Variants in MAX observed in about 807,000 individuals in gnomAD.
MAX encodes the protein MYC associated transcriptional regulator X.
Under a neutral mutation model 22.3 loss-of-function variants are expected in MAX, and 3 were observed. That is an observed-to-expected ratio of 0.13 (90% CI 0.06 to 0.35). The LOEUF (loss-of-function observed/expected upper bound fraction) is 0.35. Among genes scored for constraint, MAX ranks in the 10% least tolerant of loss-of-function variants. The pLI, the probability that MAX is intolerant of heterozygous loss-of-function variation, is 1.00. For missense variants in MAX, 119 were observed against 209.4 expected (o/e 0.57, Z 2.66); for synonymous variants, 72 against 77.7 (o/e 0.93, Z 0.39).
intron 3 of MAX, among the ~76,000 whole-genome samples, chr14:65,059,716 T>C (rs2062817415): frequency 6.6e-6 from 1 of 152,096 alleles, no homozygotes; most frequent in Non-Finnish European, 1.5e-5. Context: ...AAGTTTCTTT[T>C]GGGTTTCTGT....
At chr14:65,037,367 T>C (rs2062215971) in intron 3 of MAX, among the ~76,000 whole-genome samples, 1 of 130,048 alleles carries the variant, frequency 7.7e-6, no homozygotes, top group South Asian at 2.7e-4. Context: ...CCTCCCAAAG[T>C]GCTGAGATTA....
At chr14:65,061,254 C>G in intron 3 of MAX, 1 of 1,614,194 alleles carries the variant, frequency 6.2e-7, no homozygotes, top group Non-Finnish European at 8.5e-7. Flanking sequence ...CTACAGAAGC[C>G]AGTCCCAGGT....
intron 3 of MAX, among the ~76,000 whole-genome samples, chr14:65,060,696 T>A (rs1279430606): frequency 2.2e-4 from 6 of 27,594 alleles, no homozygotes; most frequent in South Asian, 1.3e-3. Flanking sequence ...AGACTCCGTC[T>A]CAAAAAAAAA....
At position 65,027,033 on chromosome 14, in the gene MAX, A is replaced by G. The variant is rs1009147820; in HGVS notation, c.172-20749T>C. On this transcript the variant is annotated intron_variant, in intron 3 of 3. Transcript: ENST00000341653. The surrounding 1 kb of genome is among the most constrained non-coding windows in gnomAD (Gnocchi z 5.7). ...TTAGTGTGGAAAGAAGCAGTTGAGC[A>G]CCATGTTTTGGCAAAATTCAAAGGC... 1.3e-5 allele frequency among the ~76,000 whole-genome samples: 2 copies of G among 152,106 alleles called. No individual in the cohort carries two copies. The highest frequency in any genetic ancestry group is 4.8e-5 in the African/African-American group (2 of 41,402).
At chr14:65,037,796 A>AT (rs2062246675) in intron 3 of MAX, among the ~76,000 whole-genome samples, 2 of 135,052 alleles carry the variant, frequency 1.5e-5, no homozygotes, top group Non-Finnish European at 3.1e-5. Context: ...TTATTTATTT[A>AT]TTGAGATGGT....
intron 3 of MAX, among the ~76,000 whole-genome samples, chr14:65,026,779 T>C (rs1342036929): frequency 6.6e-6 from 1 of 151,932 alleles, no homozygotes; most frequent in Admixed American, 6.6e-5. Context: ...AAAGAATCTC[T>C]TGAACCTGGG....
chr14:65,017,396 C>T (rs1025051002), intron 3 of MAX, among the ~76,000 whole-genome samples: 7 of 152,176 alleles, frequency 4.6e-5, no homozygotes, highest in East Asian at 3.9e-4. Flanking sequence ...TGGATCTGAA[C>T]GCTGGATGGA....
chr14:65,020,227 G>C (rs2061859485), intron 3 of MAX, among the ~76,000 whole-genome samples: 1 of 152,228 alleles, frequency 6.6e-6, no homozygotes, highest in African/African-American at 2.4e-5. Flanking sequence ...AGGCGAGGTT[G>C]TTACTGCTGG....
chr14:65,025,620 G>GC (rs957430331), intron 3 of MAX, among the ~76,000 whole-genome samples: 9 of 152,264 alleles, frequency 5.9e-5, no homozygotes, highest in African/African-American at 2.2e-4. Flanking sequence ...TTCAAGACTA[G>GC]CCTGGGCAAC....
chr14:65,025,078 C>T (rs1360517850), intron 3 of MAX, among the ~76,000 whole-genome samples: 20 of 152,270 alleles, frequency 1.3e-4, no homozygotes. Context: ...TCAGAATGTT[C>T]TGTAATACGG....
At position 65,023,168 on chromosome 14, in the gene MAX, C is replaced by A. The variant is rs538054426; in HGVS notation, c.172-16884G>T. ...GACTTCCCCAAGCTCAAGTGATCCT[C>A]CCACCTCAGCCTCCTGAGTAGCTGG... On this transcript the variant is annotated intron_variant, in intron 3 of 3. Transcript: ENST00000341653. The surrounding 1 kb of genome is among the most constrained non-coding windows in gnomAD (Gnocchi z 4.1). Among the ~76,000 whole-genome samples, 13 of 152,316 alleles carry A rather than the reference C, an allele frequency of 8.5e-5. No homozygotes were observed. The highest frequency in any genetic ancestry group is 3.1e-4 in the African/African-American group (13 of 41,570).
chr14:65,061,311 A>G (rs2062861576), intron 3 of MAX: 1 of 1,613,630 alleles, frequency 6.2e-7, no homozygotes, highest in Non-Finnish European at 8.5e-7. Flanking sequence ...GCAACCGACT[A>G]GAGGACCTGG....
At position 65,023,757 on chromosome 14, in the gene MAX, A is replaced by G. The variant is rs1212235210; in HGVS notation, c.172-17473T>C. 6.6e-6 allele frequency among the ~76,000 whole-genome samples: 1 copy of G among 152,142 alleles called. No homozygotes were observed. Among genetic ancestry groups the G allele is most frequent in the African/African-American group, 2.4e-5 (1 of 41,432 alleles). On this transcript the variant is annotated intron_variant, in intron 3 of 3. Coordinates refer to the MAX transcript ENST00000341653. The surrounding 1 kb of genome is among the most constrained non-coding windows in gnomAD (Gnocchi z 4.1). ...CAGATGTATCTCATTGCTACTCAAA[A>G]TGTGGTCCCCAGACCAGGAGCATTG...
At chr14:65,071,694 C>A (rs1264239764), downstream of MAX, among the ~76,000 whole-genome samples, 1 of 152,224 alleles carries the variant, frequency 6.6e-6, no homozygotes, top group Non-Finnish European at 1.5e-5. This position sits in a 1 kb window ranked among gnomAD's most constrained non-coding sequence, Gnocchi z 4.2. Context: ...GACAGGCGGG[C>A]TCAGAGCCCC....
At chr14:65,102,589 G>T (rs542361264), upstream of MAX, 2 of 1,418,726 alleles carry the variant, frequency 1.4e-6, no homozygotes, top group African/African-American at 1.4e-5. Context: ...CAGCGCTGGG[G>T]CAGCCGAGAC....
chr14:65,026,881 C>A lies in MAX; in HGVS notation c.172-20597G>T, dbSNP rs200768091. On this transcript the variant is annotated intron_variant, in intron 3 of 3. Transcript: ENST00000341653. ...CGCCTCAAAAAAAAAAACAAAAAAA[C>A]AAAACTTGCTTCTTACTGGTGGAGT... Among the ~76,000 whole-genome samples the A allele has an allele frequency of 5.0e-3, 753 of 151,498 alleles. 10 individuals carry two copies. The highest frequency in any genetic ancestry group is 0.036 in the East Asian group (184 of 5,104).
chr14:65,099,114 A>G (rs1024266306), intron 2 of MAX, among the ~76,000 whole-genome samples: 1 of 152,086 alleles, frequency 6.6e-6, no homozygotes, highest in Non-Finnish European at 1.5e-5. Flanking sequence ...ATCCATATTA[A>G]ATATTGAGAA....
At chr14:65,061,642 T>TTATTTTTTAATGA in intron 3 of MAX, 38 of 238,316 alleles carry the variant, frequency 1.6e-4, no homozygotes, top group East Asian at 4.2e-4. Context: ...CATCTGAGTA[T>TTATTTTTTAATGA]TACGGCATCC....
At chr14:65,039,170 T>TG (rs745413394) in intron 3 of MAX, among the ~76,000 whole-genome samples, 3 of 152,244 alleles carry the variant, frequency 2.0e-5, no homozygotes, top group East Asian at 1.9e-4. Context: ...AGCCATTCAT[T>TG]GGGGAATTCT....
Sources: gnomAD v4.1 joint callset for allele counts (sites outside exome capture counted in the v4.1 genomes callset) on GRCh38, gnomAD v4.1.1 for gene constraint, Gnocchi (gnomAD v3.1) non-coding constraint, MANE v1.5 for transcripts, NCBI Gene and HGNC (gene_info 2026-07-23, HGNC 2026-07-21) for gene names.